The following COL6A5 variants were observed in gnomAD, a reference collection of about 807,000 sequenced individuals.
The protein encoded by COL6A5 is collagen alpha-5(VI) chain.
COL6A5 carries 48 observed loss-of-function variants against 65.6 expected under a neutral mutation model. That is an observed-to-expected ratio of 0.73 (90% CI 0.58 to 0.93). COL6A5 has a LOEUF of 0.93. Among genes scored for constraint, COL6A5 ranks in the 40% least tolerant of loss-of-function variants. The pLI is 0.00. For missense variants in COL6A5, 914 were observed against 928.3 expected (o/e 0.98, Z 0.20); for synonymous variants, 291 against 322.8 (o/e 0.90, Z 1.05).
At chr3:130,364,894 C>A (rs1038617144) in intron 1 of COL6A5, among the ~76,000 whole-genome samples, 8 of 152,310 alleles carry the variant, frequency 5.3e-5, no homozygotes, top group African/African-American at 1.4e-4. Flanking sequence ...TAGTAAAACC[C>A]AACCCAAACT....
intron 1 of COL6A5, among the ~76,000 whole-genome samples, chr3:130,436,391 T>C (rs1439454027): frequency 6.6e-6 from 1 of 152,112 alleles, no homozygotes; most frequent in Non-Finnish European, 1.5e-5. Flanking sequence ...AAAACAACTT[T>C]CTGACCTAGA....
chr3:130,374,228 C>T (rs1042903698), intron 2 of COL6A5, among the ~76,000 whole-genome samples: 1 of 152,060 alleles, frequency 6.6e-6, no homozygotes, highest in Non-Finnish European at 1.5e-5. Flanking sequence ...TATACTTATA[C>T]CTAGATGGTG....
chr3:130,456,077 C>A (rs1331869243), intron 5 of COL6A5, among the ~76,000 whole-genome samples: 1 of 152,026 alleles, frequency 6.6e-6, no homozygotes, highest in Non-Finnish European at 1.5e-5. Context: ...TCACCGCAAC[C>A]TCCGCCACCC....
intron 4 of COL6A5, among the ~76,000 whole-genome samples, chr3:130,380,616 C>T (rs189288946): frequency 6.6e-6 from 1 of 152,286 alleles, no homozygotes; most frequent in African/African-American, 2.4e-5. Context: ...CAGCCACCAG[C>T]CATGTGTGAC....
intron 17 of COL6A5, among the ~76,000 whole-genome samples, chr3:130,406,823 T>C (rs1370831889): frequency 6.6e-6 from 1 of 152,172 alleles, no homozygotes; most frequent in Non-Finnish European, 1.5e-5. Context: ...TATGTTCTGA[T>C]CCATTGATTT....
chr3:130,478,841 G>C (rs1389878427), intron 7 of COL6A5, among the ~76,000 whole-genome samples: 2 of 152,002 alleles, frequency 1.3e-5, no homozygotes, highest in Admixed American at 1.3e-4. Flanking sequence ...CTAGAAATGG[G>C]GTATTTGAAC....
At chr3:130,405,864 TC>T (rs1936970039) in intron 14 of COL6A5, 128 bp from the exon 15 acceptor site, 4 of 1,009,826 alleles carry the variant, frequency 4.0e-6, no homozygotes, top group Admixed American at 2.1e-5. Flanking sequence ...AAATTGCATC[TC>T]TAACCTCTTT....
At chr3:130,416,035 A>G (rs898563750) in intron 23 of COL6A5, among the ~76,000 whole-genome samples, 1 of 152,286 alleles carries the variant, frequency 6.6e-6, no homozygotes, top group East Asian at 1.9e-4. Flanking sequence ...TTTAAAAGTT[A>G]TACATGCCAT....
At chr3:130,360,930 C>T (rs996934600) in intron 1 of COL6A5, among the ~76,000 whole-genome samples, 52 of 152,020 alleles carry the variant, frequency 3.4e-4, no homozygotes, top group Admixed American at 3.9e-4. Context: ...AAAAGTCTCT[C>T]GTGCCCAAAC....
chr3:130,385,396 C>A, intron 5 of COL6A5, 32 bp downstream of exon 5: 5 of 1,530,482 alleles, frequency 3.3e-6, no homozygotes, highest in Non-Finnish European at 4.4e-6. Context: ...TTATTCTCCA[C>A]ATTTCATCAA....
chr3:130,370,122 T>C (rs1415927480), intron 1 of COL6A5, among the ~76,000 whole-genome samples: 3 of 152,184 alleles, frequency 2.0e-5, no homozygotes, highest in South Asian at 2.1e-4. Flanking sequence ...CCTTCCATCA[T>C]AGAATCACAG....
intron 1 of COL6A5, among the ~76,000 whole-genome samples, chr3:130,371,437 C>T (rs1372478206): frequency 1.3e-5 from 2 of 151,896 alleles, no homozygotes; most frequent in Non-Finnish European, 2.9e-5. Context: ...TAAAAGGTAG[C>T]ATAATCAAGA....
intron 2 of COL6A5, among the ~76,000 whole-genome samples, chr3:130,376,035 G>A (rs1431038240): frequency 6.6e-6 from 1 of 152,144 alleles, no homozygotes; most frequent in Non-Finnish European, 1.5e-5. Flanking sequence ...TTGTATATCT[G>A]TTGGCTAACT....
Position 130,470,224 on chromosome 3 carries a change from A to G in COL6A5, c.2232-647A>G, listed in dbSNP as rs1342841692. Among the ~76,000 whole-genome samples, 7 of 152,190 alleles carry G rather than the reference A, an allele frequency of 4.6e-5. No individual in the cohort carries two copies. In the South Asian group the frequency reaches 1.0e-3, roughly 23 times the overall value. On this transcript the variant is annotated intron_variant, in intron 6 of 7. Coordinates refer to ENST00000512836, the Ensembl canonical transcript of COL6A5. ...CCATGTGTTATGACTTTAGACATGCATATAGCAGCACATCCAAAACCTTGT... is the reference window on the plus strand; with the variant it reads ...CCATGTGTTATGACTTTAGACATGCGTATAGCAGCACATCCAAAACCTTGT...
chr3:130,475,055 G>C (rs1710060326), intron 7 of COL6A5, among the ~76,000 whole-genome samples: 1 of 134,666 alleles, frequency 7.4e-6, no homozygotes. Context: ...AAGAAAAAGA[G>C]TCAATGAACT....
intron 5 of COL6A5, among the ~76,000 whole-genome samples, chr3:130,456,069 A>T (rs567640014): frequency 6.6e-6 from 1 of 152,192 alleles, no homozygotes; most frequent in South Asian, 2.1e-4. Context: ...GTCTTGGCTC[A>T]CCGCAACCTC....
chr3:130,397,333 A>G (rs534789772), intron 8 of COL6A5, among the ~76,000 whole-genome samples: 1 of 152,122 alleles, frequency 6.6e-6, no homozygotes, highest in East Asian at 1.9e-4. Context: ...AAGGGGACAG[A>G]GAAAACCCCT....
intron 1 of COL6A5, among the ~76,000 whole-genome samples, chr3:130,436,919 C>T (rs1248747827): frequency 6.6e-6 from 1 of 152,088 alleles, no homozygotes; most frequent in East Asian, 1.9e-4. Flanking sequence ...ATCTCTCATC[C>T]AGACTGCATC....
At chr3:130,424,649 T>C (rs1937572014) in intron 29 of COL6A5, among the ~76,000 whole-genome samples, 1 of 152,126 alleles carries the variant, frequency 6.6e-6, no homozygotes, top group Non-Finnish European at 1.5e-5. Context: ...CTTGGGACTT[T>C]ATTATGAAAG....
Sources: gnomAD v4.1 joint callset for allele counts (sites outside exome capture counted in the v4.1 genomes callset) on GRCh38, gnomAD v4.1.1 for gene constraint, MANE v1.5 for transcripts, NCBI Gene and HGNC (gene_info 2026-07-23, HGNC 2026-07-21) for gene names.